The following GABPB1 variants were observed in gnomAD, a reference collection of about 807,000 sequenced individuals.
GABPB1 encodes GA binding protein transcription factor subunit beta 1.
GABPB1 carries 15 observed loss-of-function variants against 45.9 expected under a neutral mutation model. The observed-to-expected ratio is 0.33, with a 90% CI of 0.22 to 0.50. The LOEUF is 0.50. Among genes scored for constraint, GABPB1 ranks in the 20% least tolerant of loss-of-function variants. The pLI is 0.98. For missense variants in GABPB1, 252 were observed against 457.5 expected, an observed-to-expected ratio of 0.55 and a Z score of 4.10; for synonymous variants, 143 against 154.4, an observed-to-expected ratio of 0.93 and a Z score of 0.55.
At chr15:50,313,620 G>A (rs1205245986) in intron 1 of GABPB1, among the ~76,000 whole-genome samples, 1 of 151,970 alleles carries the variant, frequency 6.6e-6, no homozygotes, top group Non-Finnish European at 1.5e-5. Flanking sequence ...TGATTGAATT[G>A]TAGAATCTAA....
intron 1 of GABPB1, chr15:50,349,701 C>T (rs1268758840): frequency 6.6e-6 from 1 of 152,194 alleles, no homozygotes; most frequent in Non-Finnish European, 1.5e-5. Context: ...CATGCATTTA[C>T]AAATTCTCAT....
chr15:50,334,549 C>A (rs2048054213), intron 1 of GABPB1, among the ~76,000 whole-genome samples: 1 of 139,006 alleles, frequency 7.2e-6, no homozygotes, highest in Non-Finnish European at 1.5e-5. Context: ...ATTCTGTCAC[C>A]CAGGCTGCAG....
At chr15:50,344,776 T>C (rs1436463480) in intron 1 of GABPB1, among the ~76,000 whole-genome samples, 1 of 152,068 alleles carries the variant, frequency 6.6e-6, no homozygotes, top group Non-Finnish European at 1.5e-5. Context: ...AGGCAGAGGT[T>C]GCAGTGAGCC....
intron 6 of GABPB1, among the ~76,000 whole-genome samples, chr15:50,296,080 A>C (rs1051730927): frequency 1.3e-5 from 2 of 152,188 alleles, no homozygotes; most frequent in Non-Finnish European, 1.5e-5. Flanking sequence ...TTCCTGAGTG[A>C]AATGGCATGG....
chr15:50,302,974 A>C lies in GABPB1; in HGVS notation c.426T>G (p.Asp142Glu). The C allele has an allele frequency of 6.2e-7, 1 of 1,613,702 alleles. No homozygotes were observed. Among genetic ancestry groups the C allele is most frequent in the Non-Finnish European group, 8.5e-7 (1 of 1,179,804 alleles). The change falls in exon 4 of 9, where the codon GAT becomes GAG. Residue 142 changes from aspartate to glutamate, a missense_variant. This residue lies in a region of GABPB1 where 193 missense variants were observed against 259.9 expected (regional missense o/e 0.74). Transcript: ENST00000380877. Reference sequence around the variant, plus strand: ...CTTCATTTCCATTGTCTATTGAAATATCAAATGCAGTTTTACAAAATTTAC... The same window carrying C: ...CTTCATTTCCATTGTCTATTGAAATCTCAAATGCAGTTTTACAAAATTTAC... ...TQSKFCKTAF[D>E]ISIDNGNEDL...
chr15:50,283,010 G>A (rs1234625792), intron 8 of GABPB1, among the ~76,000 whole-genome samples: 1 of 152,062 alleles, frequency 6.6e-6, no homozygotes, highest in South Asian at 2.1e-4. Flanking sequence ...AGCTGAGATC[G>A]CAGCACTGCA....
chr15:50,341,422 C>T (rs964401931), intron 1 of GABPB1, among the ~76,000 whole-genome samples: 2 of 151,968 alleles, frequency 1.3e-5, no homozygotes, highest in African/African-American at 4.8e-5. Flanking sequence ...ATTCCAGCTA[C>T]CCCGGGAGGC....
At chr15:50,307,701 C>CAAA (rs35298471) in intron 2 of GABPB1, among the ~76,000 whole-genome samples, 2 of 131,722 alleles carry the variant, frequency 1.5e-5, no homozygotes, top group Non-Finnish European at 1.6e-5. Flanking sequence ...GACTCCATCT[C>CAAA]AAAAAAAAAA....
chr15:50,344,531 A>G (rs2141169180), intron 1 of GABPB1, among the ~76,000 whole-genome samples: 1 of 152,340 alleles, frequency 6.6e-6, no homozygotes, highest in Admixed American at 6.5e-5. Flanking sequence ...GCAATGCAGA[A>G]TTCCAAGACA....
chr15:50,309,272 C>A (rs562765075), intron 2 of GABPB1, among the ~76,000 whole-genome samples: 1 of 152,166 alleles, frequency 6.6e-6, no homozygotes, highest in Non-Finnish European at 1.5e-5. Context: ...GTCATGTCTG[C>A]AACAGTTTTA....
chr15:50,354,101 G>A (rs944275140), intron 1 of GABPB1: 1 of 292,206 alleles, frequency 3.4e-6, no homozygotes, highest in Non-Finnish European at 6.7e-6. Flanking sequence ...CAGTTTTCAC[G>A]ATGCACCCTT....
intron 7 of GABPB1, 130 bp downstream of exon 7, chr15:50,289,353 T>C: frequency 1.6e-6 from 1 of 610,376 alleles, no homozygotes; most frequent in Non-Finnish European, 2.7e-6. Flanking sequence ...ATACATTCTT[T>C]GGAACACATA....
Position 50,284,074 on chromosome 15 carries a change from C to T in GABPB1, c.999+1994G>A, listed in dbSNP as rs376212277. ...CATGACAACCAAATATATCTCCTGA[C>T]GCTGCTTTAGAGAAACTTTGAAAGT... On this transcript the variant is annotated intron_variant, in intron 8 of 8. Transcript: ENST00000380877. Among the ~76,000 whole-genome samples the T allele has an allele frequency of 3.0e-4, 45 of 152,188 alleles. No individual in the cohort carries two copies. The South Asian group carries it at 6.2e-3, about 21-fold the overall frequency.
intron 1 of GABPB1, among the ~76,000 whole-genome samples, chr15:50,343,482 C>G (rs572443627): frequency 1.6e-4 from 25 of 152,244 alleles, no homozygotes; most frequent in African/African-American, 5.1e-4. Flanking sequence ...CTAGGACACC[C>G]AGGGAGCAGC....
Position 50,286,160 on chromosome 15 carries a change from T to C in GABPB1, c.907A>G (p.Ile303Val). 1 of 1,590,060 alleles carries C rather than the reference T, an allele frequency of 6.3e-7. No individual in the cohort carries two copies. The highest frequency in any genetic ancestry group is 8.6e-7 in the Non-Finnish European group (1 of 1,164,182). ...QQVLTVPATD[I>V]AEETVISEEP... ...TCACTTATAACAGTTTCTTCAGCAA[T>C]GTCTGTTGCTGGTACTGTTAATACT... Residue 303 changes from isoleucine to valine, a missense_variant, in exon 8 of 9, where the codon ATT becomes GTT. Around this residue, in one of 4 missense-constraint regions of GABPB1, gnomAD observed 193 missense variants for 259.9 expected, o/e 0.74. Coordinates refer to ENST00000380877, the MANE Select transcript of GABPB1 (RefSeq NM_016654.5).
rs183040567 is a variant in GABPB1, at chr15:50,297,792, G to A, written c.697+2997C>T. 9.2e-4 allele frequency among the ~76,000 whole-genome samples: 140 copies of A among 152,262 alleles called. 1 individual carries two copies. Among genetic ancestry groups the A allele is most frequent in the Admixed American group, 6.9e-3 (106 of 15,296 alleles). On this transcript the variant is annotated intron_variant, in intron 6 of 8. Coordinates refer to ENST00000380877, the MANE Select transcript of GABPB1 (RefSeq NM_016654.5). ...GGAGGCTTCAGTGAGCCAAGATCACGTCACTGCACTCCAGCCTGGGGTGAC... is the reference window on the plus strand; with the variant it reads ...GGAGGCTTCAGTGAGCCAAGATCACATCACTGCACTCCAGCCTGGGGTGAC...
intron 1 of GABPB1, among the ~76,000 whole-genome samples, chr15:50,331,678 T>C (rs2047952701): frequency 6.6e-6 from 1 of 152,172 alleles, no homozygotes; most frequent in Non-Finnish European, 1.5e-5. Flanking sequence ...ATTTGGTTAA[T>C]ACATAGTGGA....
chr15:50,313,944 A>G (rs1487349368), intron 1 of GABPB1, among the ~76,000 whole-genome samples: 1 of 152,136 alleles, frequency 6.6e-6, no homozygotes, highest in Non-Finnish European at 1.5e-5. Context: ...CTTACTAGAG[A>G]GGATGAGCGG....
At chr15:50,346,790 CTT>C (rs796246086) in intron 1 of GABPB1, among the ~76,000 whole-genome samples, 17 of 133,358 alleles carry the variant, frequency 1.3e-4, no homozygotes, top group Admixed American at 1.5e-4. Flanking sequence ...TGTCTGGAGT[CTT>C]TTTTTTTTTT....
Sources: gnomAD v4.1 joint callset for allele counts (sites outside exome capture counted in the v4.1 genomes callset) on GRCh38, gnomAD v4.1.1 for gene constraint, gnomAD v4.1.1 regional missense constraint, MANE v1.5 for transcripts, NCBI Gene and HGNC (gene_info 2026-07-23, HGNC 2026-07-21) for gene names.